UNC79: variants seen among roughly 807,000 people sequenced by gnomAD.
UNC79 encodes the protein protein unc-79 homolog.
In UNC79, 37 loss-of-function variants were observed where a neutral mutation model predicts 283.1. The ratio of observed to expected loss-of-function variants is 0.13; its 90% CI spans 0.10 to 0.17. The LOEUF (loss-of-function observed/expected upper bound fraction) is 0.17. UNC79 is among the 10% of genes least tolerant of loss of function. The pLI, the probability that UNC79 is intolerant of heterozygous loss-of-function variation, is 1.00. For missense variants in UNC79, 2,272 were observed against 3,211.1 expected (o/e 0.71, Z 7.07); for synonymous variants, 1,107 against 1,200.2 (o/e 0.92, Z 1.61).
intron 32 of UNC79, among the ~76,000 whole-genome samples, chr14:93,637,887 G>A (rs1281316315): frequency 6.6e-6 from 1 of 152,120 alleles, no homozygotes; most frequent in Non-Finnish European, 1.5e-5. Context: ...TCTGAGCATG[G>A]TCCAGCTAAT....
At chr14:93,347,133 G>A in intron 1 of UNC79, 2 of 981,368 alleles carry the variant, frequency 2.0e-6, no homozygotes, top group South Asian at 3.5e-5. Flanking sequence ...GGGTGGGGTA[G>A]GGGGCGAGGG....
At chr14:93,504,047 A>G (rs906652061) in intron 7 of UNC79, among the ~76,000 whole-genome samples, 4 of 152,048 alleles carry the variant, frequency 2.6e-5, no homozygotes, top group South Asian at 4.1e-4. Context: ...CTGTGGTACC[A>G]TTTTTGTCAT....
At position 93,480,223 on chromosome 14, in the gene UNC79, T is replaced by C. The variant is rs574886767; in HGVS notation, c.619+2495T>C. Among the ~76,000 whole-genome samples the C allele has an allele frequency of 5.9e-5, 9 of 152,348 alleles. No individual in the cohort carries two copies. The East Asian group carries it at 1.7e-3, about 29-fold the overall frequency. On this transcript the variant is annotated intron_variant, in intron 4 of 48. Transcript: ENST00000555664. ...CAGTAAGTTGAGTTTACAAAATTTG[T>C]GTATATTTTAATGTTTATTAGAGGA...
chr14:93,590,663 G>A (rs973538325), intron 22 of UNC79, among the ~76,000 whole-genome samples: 3 of 152,158 alleles, frequency 2.0e-5, no homozygotes, highest in African/African-American at 4.8e-5. Context: ...TCCGCAAAGT[G>A]CCACCATGAC....
chr14:93,487,914 A>G (rs2058527537), intron 5 of UNC79, among the ~76,000 whole-genome samples, 159 bp downstream of exon 5: 1 of 152,266 alleles, frequency 6.6e-6, no homozygotes, highest in African/African-American at 2.4e-5. Flanking sequence ...GCCTATTGCT[A>G]TTAGCAGTGA....
chr14:93,690,038 T>G lies in UNC79; in HGVS notation c.7086-79T>G. The G allele has an allele frequency of 6.7e-7, 1 of 1,491,092 alleles. No homozygotes were observed. Among genetic ancestry groups the G allele is most frequent in the Non-Finnish European group, 9.1e-7 (1 of 1,094,530 alleles). 92.4% of individuals were successfully genotyped at this position (1,491,092 alleles called of 1,614,324 possible). On this transcript the variant is annotated intron_variant, in intron 44 of 48. Coordinates refer to ENST00000555664, the Ensembl canonical transcript of UNC79. The surrounding 1 kb of genome is among the most constrained non-coding windows in gnomAD (Gnocchi z 4.3). ...CTGCAAGACCACACTTTCAATCCCT[T>G]CCTTCAATAAGCATTTGTTATGCAC...
intron 1 of UNC79, among the ~76,000 whole-genome samples, chr14:93,382,537 C>A (rs1339014053): frequency 6.6e-6 from 1 of 152,070 alleles, no homozygotes; most frequent in Non-Finnish European, 1.5e-5. Flanking sequence ...AAATTGCATG[C>A]CAATCGTTAA....
chr14:93,643,145 C>G (rs2069229071), intron 33 of UNC79, among the ~76,000 whole-genome samples: 1 of 152,180 alleles, frequency 6.6e-6, no homozygotes, highest in Admixed American at 6.5e-5. Flanking sequence ...CCATCCGTGC[C>G]TAAGCATTTT....
chr14:93,506,157 A>C (rs926283619), intron 7 of UNC79, among the ~76,000 whole-genome samples: 1 of 151,124 alleles, frequency 6.6e-6, no homozygotes, highest in African/African-American at 2.4e-5. Context: ...ACGTTTTCTC[A>C]GTTAGTGTTT....
chr14:93,550,048 A>G (rs1049730257), intron 14 of UNC79, among the ~76,000 whole-genome samples: 1 of 152,212 alleles, frequency 6.6e-6, no homozygotes, highest in Non-Finnish European at 1.5e-5. Context: ...TTCAGCAAAC[A>G]TGGACTTCAG....
At chr14:93,643,775 A>AC in intron 34 of UNC79, 78 bp downstream of exon 37, 1 of 1,556,296 alleles carries the variant, frequency 6.4e-7, no homozygotes, top group South Asian at 1.2e-5. Flanking sequence ...CTACCAGTTC[A>AC]AAAGTGAAAC....
intron 16 of UNC79, among the ~76,000 whole-genome samples, chr14:93,573,603 T>C (rs936588976): frequency 2.0e-5 from 3 of 152,232 alleles, no homozygotes; most frequent in African/African-American, 7.2e-5. Flanking sequence ...CATTTCTGTG[T>C]CATGCAAGGA....
At chr14:93,671,345 AAG>A (rs1232534174) in intron 40 of UNC79, among the ~76,000 whole-genome samples, 1 of 152,186 alleles carries the variant, frequency 6.6e-6, no homozygotes, top group Non-Finnish European at 1.5e-5. Context: ...GAGAGAAAGG[AAG>A]AAAGAAAAGA....
intron 31 of UNC79, among the ~76,000 whole-genome samples, chr14:93,633,697 T>G (rs1383180164): frequency 6.6e-6 from 1 of 152,346 alleles, no homozygotes; most frequent in East Asian, 1.9e-4. Flanking sequence ...CAGAGGAGAC[T>G]GCTTTCCAAC....
At position 93,497,104 on chromosome 14, in the gene UNC79, C is replaced by T. The variant is rs566608965; in HGVS notation, c.769-53C>T. On this transcript the variant is annotated intron_variant, in intron 6 of 48. Coordinates refer to ENST00000555664, the Ensembl canonical transcript of UNC79. Reference sequence around the variant, plus strand: ...GCTTTGGTAATGTTGAAGTCTCTACCTTTCTTTTTATTTCATGATGCTAAG... The same window carrying T: ...GCTTTGGTAATGTTGAAGTCTCTACTTTTCTTTTTATTTCATGATGCTAAG... The T allele has an allele frequency of 3.9e-5, 61 of 1,567,572 alleles. No homozygotes were observed. The African/African-American group carries it at 7.7e-4, about 20-fold the overall frequency.
At chr14:93,363,341 T>C (rs1222456597) in intron 1 of UNC79, among the ~76,000 whole-genome samples, 1 of 152,202 alleles carries the variant, frequency 6.6e-6, no homozygotes, top group Non-Finnish European at 1.5e-5. Flanking sequence ...TGTTAAGATT[T>C]TGGTTTTTAA....
chr14:93,411,081 C>A (rs1050955792), intron 1 of UNC79, among the ~76,000 whole-genome samples: 1 of 152,064 alleles, frequency 6.6e-6, no homozygotes, highest in African/African-American at 2.4e-5. Flanking sequence ...GAGCGCATTG[C>A]CCCGAAGGGT....
intron 37 of UNC79, among the ~76,000 whole-genome samples, chr14:93,654,538 GA>G (rs2070702044): frequency 6.7e-6 from 1 of 149,666 alleles, no homozygotes; most frequent in Non-Finnish European, 1.5e-5. Context: ...CAACTCAAAA[GA>G]AAAATAATAG....
intron 42 of UNC79, among the ~76,000 whole-genome samples, chr14:93,684,612 G>A (rs193283747): frequency 4.8e-4 from 73 of 152,168 alleles, no homozygotes; most frequent in African/African-American, 1.5e-3. Flanking sequence ...ATGTATGTGT[G>A]TATGTTATAT....
Sources: gnomAD v4.1 joint callset for allele counts (sites outside exome capture counted in the v4.1 genomes callset) on GRCh38, gnomAD v4.1.1 for gene constraint, Gnocchi (gnomAD v3.1) non-coding constraint, MANE v1.5 for transcripts, NCBI Gene and HGNC (gene_info 2026-07-23, HGNC 2026-07-21) for gene names.